Variants in MMP15 observed in about 807,000 individuals in gnomAD.
The protein encoded by MMP15 is matrix metalloproteinase-15.
Under a neutral mutation model 65.0 loss-of-function variants are expected in MMP15, and 36 were observed. That is an observed-to-expected ratio of 0.55 (90% CI 0.42 to 0.73). MMP15 has a LOEUF of 0.73. Ranked by LOEUF, MMP15 falls within the 30% of genes least tolerant of loss-of-function variation. The pLI is 0.00. For synonymous variants in MMP15, 428 were observed against 410.2 expected, an observed-to-expected ratio of 1.04 and a Z score of -0.52; for missense variants, 870 against 987.8, an observed-to-expected ratio of 0.88 and a Z score of 1.60.
intron 1 of MMP15, among the ~76,000 whole-genome samples, chr16:58,033,378 C>T (rs1248263932): frequency 6.6e-6 from 1 of 152,204 alleles, no homozygotes; most frequent in Non-Finnish European, 1.5e-5. Flanking sequence ...TATCTCTGAA[C>T]CTTGCCGTCT....
At position 58,040,181 on chromosome 16, in the gene MMP15, T is replaced by C; in HGVS notation, c.747T>C (p.His249=). 1 of 1,603,554 alleles carries C rather than the reference T, an allele frequency of 6.2e-7. No homozygotes were observed. Among genetic ancestry groups the C allele is most frequent in the Non-Finnish European group, 8.5e-7 (1 of 1,175,140 alleles). The part of the protein sequence containing the change: ...EPWTFSSTDL[H]GNNLFLVAVH... ...GGACCTTCTCCAGCACTGACCTGCA[T>C]GGTGAGGACAGCTGGCCAGGGTGAG... Residue 249 remains histidine (H), a splice_region_variant and synonymous_variant, in exon 4 of 10, where the codon CAT becomes CAC. Transcript: ENST00000219271.
intron 1 of MMP15, among the ~76,000 whole-genome samples, chr16:58,031,853 CTTTTTTTTT>C (rs749779284): frequency 1.0e-4 from 6 of 57,746 alleles, no homozygotes; most frequent in African/African-American, 5.0e-4. Context: ...TCGATGCCGC[CTTTTTTTTT>C]TTTTTTTTTT....
intron 1 of MMP15, 144 bp from the exon 2 acceptor site, chr16:58,037,328 C>T (rs1959350387): frequency 6.7e-6 from 7 of 1,037,234 alleles, no homozygotes; most frequent in East Asian, 2.4e-5. Context: ...GGTGCTGAGG[C>T]TCACACGGTC....
chr16:58,026,775 C>A (rs1963823209), intron 1 of MMP15, among the ~76,000 whole-genome samples: 1 of 152,230 alleles, frequency 6.6e-6, no homozygotes, highest in Admixed American at 6.5e-5. Context: ...GAGCCCCCAC[C>A]CCGACCCCCT....
chr16:58,027,787 A>T lies in MMP15; in HGVS notation c.162+1275A>T, dbSNP rs534562243. ...TCTGCCCTCCCTCCCTGGCCTGGCC[A>T]GGGAGAGCTGAAGGAGGAGCCAGGC... On this transcript the variant is annotated intron_variant, in intron 1 of 9. Coordinates refer to ENST00000219271, the MANE Select transcript of MMP15 (RefSeq NM_002428.4). Among the ~76,000 whole-genome samples the T allele has an allele frequency of 2.8e-3, 431 of 152,140 alleles. 1 individual carries two copies. The highest frequency in any genetic ancestry group is 0.02 in the Middle Eastern group (6 of 294).
intron 9 of MMP15, among the ~76,000 whole-genome samples, chr16:58,044,521 G>C (rs895400869): frequency 2.6e-5 from 4 of 152,184 alleles, no homozygotes; most frequent in Non-Finnish European, 5.9e-5. Context: ...CTGATCTCTT[G>C]TGCTCACCCC....
chr16:58,027,148 T>A (rs149648598), intron 1 of MMP15, among the ~76,000 whole-genome samples: 1 of 152,206 alleles, frequency 6.6e-6, no homozygotes, highest in Admixed American at 6.5e-5. Context: ...GGCGGGGTCC[T>A]AAGGACGGAC....
At chr16:58,041,966 TA>T (rs1384754866) in intron 6 of MMP15, 96 bp downstream of exon 6, 1 of 1,410,746 alleles carries the variant, frequency 7.1e-7, no homozygotes, top group Non-Finnish European at 9.5e-7. Flanking sequence ...GGGGAGCCAT[TA>T]AGCCCTCAGC....
intron 1 of MMP15, among the ~76,000 whole-genome samples, chr16:58,032,662 A>G (rs1280255268): frequency 6.6e-6 from 1 of 152,206 alleles, no homozygotes; most frequent in Non-Finnish European, 1.5e-5. Context: ...CCCATTCAGC[A>G]CAGGCTCTGT....
In MMP15 at chr16:58,041,721, C is replaced by T; in HGVS notation, c.1015C>T (p.Pro339Ser). 1 of 1,589,128 alleles carries T rather than the reference C, an allele frequency of 6.3e-7. No individual in the cohort carries two copies. Among genetic ancestry groups the T allele is most frequent in the Non-Finnish European group, 8.6e-7 (1 of 1,167,592 alleles). Residue 339 changes from proline (P) to serine (S), a missense_variant, in exon 6 of 10, where the codon CCC (proline) becomes TCC (serine). Coordinates refer to ENST00000219271, the MANE Select transcript of MMP15 (RefSeq NM_002428.4). The part of the protein sequence containing the change: ...HRPPRPPQPP[P>S]PGGKPERPPK... ...GCCGCCCCGGCCTCCCCAGCCACCA[C>T]CCCCAGGTGGGAAGCCAGAGCGGCC...
chr16:58,030,610 A>G (rs981480074), intron 1 of MMP15, among the ~76,000 whole-genome samples: 3 of 152,164 alleles, frequency 2.0e-5, no homozygotes, highest in African/African-American at 7.2e-5. Context: ...GCCAAGGTCT[A>G]GATCACCTCT....
Position 58,039,899 on chromosome 16 carries a change from G to T in MMP15, c.465G>T (p.Leu155Phe). 1 of 1,605,320 alleles carries T rather than the reference G, an allele frequency of 6.2e-7. No homozygotes were observed. The highest frequency in any genetic ancestry group is 2.2e-5 in the East Asian group (1 of 44,610). The change falls in exon 4 of 10, where the codon TTG (leucine) becomes TTT (phenylalanine). Residue 155 changes from leucine to phenylalanine, a missense_variant. Leu to Phe is a conservative substitution (Grantham distance 22). Coordinates refer to ENST00000219271, the MANE Select transcript of MMP15 (RefSeq NM_002428.4). ...GCATCCAGAACTACACGGAGAAGTT[G>T]GGCTGGTACCACTCGATGGAGGCGG... ...TFSIQNYTEKLGWYHSMEAVR... is the reference protein window; with the variant it reads ...TFSIQNYTEKFGWYHSMEAVR...
intron 1 of MMP15, 140 bp from the exon 2 acceptor site, chr16:58,037,332 C>T: frequency 9.2e-7 from 1 of 1,091,084 alleles, no homozygotes; most frequent in Non-Finnish European, 1.3e-6. Context: ...CTGAGGCTCA[C>T]ACGGTCACCT....
rs766958256 is a variant in MMP15 at position 58,045,332 on chromosome 16, ACTGCTG to A, written c.1905_1910del (p.Leu636_Leu637del). ...TGAACGTGGTGATGGTGCTGGTGCC[ACTGCTG>A]CTGCTGCTCTGCGTCCTGGGCCTCA... is the stretch of plus-strand genomic sequence containing the variant. On this transcript the variant is annotated inframe_deletion, in exon 10 of 10. Coordinates refer to ENST00000219271, the MANE Select transcript of MMP15 (RefSeq NM_002428.4). The A allele has an allele frequency of 4.4e-6, 7 of 1,607,732 alleles. No homozygotes were observed. The African/African-American group carries it at 9.4e-5, about 21-fold the overall frequency.
At chr16:58,027,455 G>T (rs1353574520) in intron 1 of MMP15, among the ~76,000 whole-genome samples, 1 of 152,234 alleles carries the variant, frequency 6.6e-6, no homozygotes, top group Non-Finnish European at 1.5e-5. Flanking sequence ...CCCTGCCCCA[G>T]ATAGGCGGGG....
Position 58,043,632 on chromosome 16 carries a change from C to T in MMP15, c.1570+5C>T, listed in dbSNP as rs765229700. The T allele has an allele frequency of 6.9e-6, 11 of 1,598,454 alleles. 1 individual carries two copies. The East Asian group carries it at 2.2e-4, about 33-fold the overall frequency. On this transcript the variant is annotated splice_donor_5th_base_variant and intron_variant, in intron 9 of 9. Coordinates refer to ENST00000219271, the MANE Select transcript of MMP15 (RefSeq NM_002428.4). ...CCTTCCTGAGCAATGACGCAGGTAC[C>T]TGGCCAGCCCCTCCCAGTTTGCCCA...
intron 5 of MMP15, 80 bp downstream of exon 5, chr16:58,040,778 C>T (rs766380392): frequency 6.3e-7 from 1 of 1,587,534 alleles, no homozygotes; most frequent in Non-Finnish European, 8.6e-7. Flanking sequence ...GCTGCCATCC[C>T]CATTTTGTAG....
At chr16:58,027,516 T>G (rs990691186) in intron 1 of MMP15, among the ~76,000 whole-genome samples, 1 of 152,208 alleles carries the variant, frequency 6.6e-6, no homozygotes, top group Admixed American at 6.5e-5. Flanking sequence ...GAGCCGCTTC[T>G]GAACGGTGCT....
Position 58,041,446 on chromosome 16 carries a change from AAGG to A in MMP15, c.911-163_911-161del, listed in dbSNP as rs1959449350. On this transcript the variant is annotated intron_variant, in intron 5 of 9. Coordinates refer to ENST00000219271, the MANE Select transcript of MMP15 (RefSeq NM_002428.4). ...TGTGGGGAGATCGAGGAGGGGCTAGAAGGAGGAGGACCCAGGTCCCACCGAGGA... is the reference window on the plus strand; with the variant it reads ...TGTGGGGAGATCGAGGAGGGGCTAGAAGGAGGACCCAGGTCCCACCGAGGA... Among the ~76,000 whole-genome samples the A allele has an allele frequency of 2.6e-5, 4 of 151,412 alleles. No individual in the cohort carries two copies. In the South Asian group the frequency reaches 8.3e-4, roughly 31 times the overall value.
Sources: gnomAD v4.1 joint callset for allele counts (sites outside exome capture counted in the v4.1 genomes callset) on GRCh38, gnomAD v4.1.1 for gene constraint, MANE v1.5 for transcripts, NCBI Gene and HGNC (gene_info 2026-07-23, HGNC 2026-07-21) for gene names.